ANKRD11: variants seen among roughly 807,000 people sequenced by gnomAD.
ANKRD11 encodes ankyrin repeat domain-containing protein 11.
A neutral mutation model predicts 195.7 loss-of-function variants in ANKRD11; 17 were observed. The ratio of observed to expected loss-of-function variants is 0.09; its 90% CI spans 0.06 to 0.13. ANKRD11 has a LOEUF of 0.13. Among genes scored for constraint, ANKRD11 ranks in the 10% least tolerant of loss-of-function variants. The pLI, the probability that ANKRD11 is intolerant of heterozygous loss-of-function variation, is 1.00. For missense variants in ANKRD11, 3,735 were observed against 3,566.1 expected (o/e 1.05, Z -1.21); for synonymous variants, 1,953 against 1,528.1 (o/e 1.28, Z -6.49).
At chr16:89,326,523 T>C (rs1244999629) in intron 2 of ANKRD11, among the ~76,000 whole-genome samples, 1 of 151,342 alleles carries the variant, frequency 6.6e-6, no homozygotes, top group Non-Finnish European at 1.5e-5. Flanking sequence ...GGCAGGGGGG[T>C]CATTTGGGCC....
intron 1 of ANKRD11, among the ~76,000 whole-genome samples, chr16:89,454,989 G>C: frequency 1.0e-5 from 1 of 98,854 alleles, no homozygotes; most frequent in East Asian, 3.6e-4. Flanking sequence ...TGCTTCTAGG[G>C]TTCCTCAAGC....
At chr16:89,428,677 C>CCT (rs2042835878) in intron 1 of ANKRD11, among the ~76,000 whole-genome samples, 1 of 151,774 alleles carries the variant, frequency 6.6e-6, no homozygotes, top group Admixed American at 6.6e-5. Flanking sequence ...GGATGGATCA[C>CCT]GAAGTCAGGA....
chr16:89,278,374 G>C (rs1344636042), intron 9 of ANKRD11: 3 of 378,838 alleles, frequency 7.9e-6, no homozygotes, highest in Non-Finnish European at 1.6e-5. Context: ...AGGGCAGGCA[G>C]CCCTCATGGG....
At chr16:89,399,748 C>A (rs891729782) in intron 2 of ANKRD11, among the ~76,000 whole-genome samples, 8 of 152,104 alleles carry the variant, frequency 5.3e-5, no homozygotes, top group African/African-American at 1.4e-4. Flanking sequence ...GCGGGGGAAC[C>A]CTCTGTAATT....
chr16:89,286,932 C>G (rs1248826007), intron 7 of ANKRD11: 1 of 1,289,700 alleles, frequency 7.8e-7, no homozygotes, highest in Non-Finnish European at 1.0e-6. Context: ...ACTATAGACT[C>G]TTGTCGCCCA....
intron 1 of ANKRD11, among the ~76,000 whole-genome samples, chr16:89,444,385 A>G (rs1320551600): frequency 6.6e-6 from 1 of 151,850 alleles, no homozygotes; most frequent in Non-Finnish European, 1.5e-5. Flanking sequence ...CTTGCTGGGA[A>G]GAGCAGGTGC....
intron 1 of ANKRD11, among the ~76,000 whole-genome samples, 164 bp downstream of exon 1, chr16:89,490,081 C>A (rs866677807): frequency 8.1e-5 from 12 of 148,516 alleles, no homozygotes; most frequent in African/African-American, 2.7e-4. Flanking sequence ...CTCACGATCG[C>A]CCCGGGCCCC....
chr16:89,287,130 G>A (rs2034702869), intron 7 of ANKRD11: 1 of 1,289,174 alleles, frequency 7.8e-7, no homozygotes, highest in South Asian at 1.2e-5. Context: ...GCAGAATTCA[G>A]TTTCTTGCAG....
At position 89,280,074 on chromosome 16, in the gene ANKRD11, C is replaced by A. The variant is rs1241964175; in HGVS notation, c.6468G>T (p.Val2156=). ...CTTCTGGAGGAGCAAGACTTTCTTC[C>A]ACGGGTTCCGCTTCACCATCTGCGG... ...KDAADGEAEP[V]EESLAPPEEM... is the part of the protein sequence containing the mutation. Residue 2156 remains valine (V), a synonymous_variant, in exon 9 of 13, where the codon GTG becomes GTT. Coordinates refer to ENST00000301030, the MANE Select transcript of ANKRD11 (RefSeq NM_013275.6). 6.2e-7 allele frequency: 1 copy of A among 1,613,112 alleles called. No homozygotes were observed.
intron 12 of ANKRD11, 149 bp from the exon 13 acceptor site, chr16:89,268,812 C>A (rs1674720254): frequency 1.1e-6 from 1 of 886,848 alleles, no homozygotes; most frequent in African/African-American, 1.7e-5. Flanking sequence ...CCGCTCCTGG[C>A]ATCTAGTTAC....
At chr16:89,274,034 G>A (rs929489608) in intron 11 of ANKRD11, among the ~76,000 whole-genome samples, 3 of 152,204 alleles carry the variant, frequency 2.0e-5, no homozygotes, top group African/African-American at 7.2e-5. Flanking sequence ...AGGAGGGAGG[G>A]GCTGATGCAG....
At chr16:89,365,304 C>T (rs1438228881) in intron 2 of ANKRD11, among the ~76,000 whole-genome samples, 2 of 152,302 alleles carry the variant, frequency 1.3e-5, no homozygotes, top group African/African-American at 4.8e-5. Context: ...TGTGTCATCA[C>T]CTCCTGACGT....
intron 1 of ANKRD11, among the ~76,000 whole-genome samples, chr16:89,432,726 C>A (rs1477116245): frequency 6.6e-6 from 1 of 152,112 alleles, no homozygotes; most frequent in East Asian, 1.9e-4. Flanking sequence ...ACGGTATAAT[C>A]TTGAGCCCAG....
intron 2 of ANKRD11, chr16:89,395,876 C>T (rs1481531428): frequency 6.6e-6 from 1 of 152,184 alleles, no homozygotes; most frequent in Non-Finnish European, 1.5e-5. Context: ...TTTCAACGCA[C>T]TACGTCCCGA....
chr16:89,380,225 G>C (rs1021569233), intron 2 of ANKRD11, among the ~76,000 whole-genome samples: 1 of 152,118 alleles, frequency 6.6e-6, no homozygotes, highest in African/African-American at 2.4e-5. Flanking sequence ...CAATTCTCCT[G>C]TCTCTGCCCC....
chr16:89,451,694 G>A (rs559620710), intron 1 of ANKRD11, among the ~76,000 whole-genome samples: 2 of 152,050 alleles, frequency 1.3e-5, no homozygotes, highest in Admixed American at 6.6e-5. Context: ...TGGGATTACA[G>A]GCTAGAGCCA....
intron 1 of ANKRD11, among the ~76,000 whole-genome samples, chr16:89,476,178 A>C (rs748065034): frequency 1.3e-5 from 2 of 152,164 alleles, no homozygotes; most frequent in Non-Finnish European, 2.9e-5. Flanking sequence ...CAAAACTACA[A>C]AGCCAATTTC....
At chr16:89,477,419 G>T (rs191107317) in intron 1 of ANKRD11, among the ~76,000 whole-genome samples, 1 of 151,046 alleles carries the variant, frequency 6.6e-6, no homozygotes, top group African/African-American at 2.4e-5. Context: ...GCAGTGGTGC[G>T]ATTCTGGCTC....
rs756744195 is a variant in ANKRD11, at chr16:89,282,126, C to T, written c.4416G>A (p.Glu1472=). 3.1e-6 allele frequency: 5 copies of T among 1,614,114 alleles called. No homozygotes were observed. The highest frequency in any genetic ancestry group is 2.5e-6 in the Non-Finnish European group (3 of 1,180,014). The change falls in exon 9 of 13, where the codon GAG becomes GAA. Residue 1472 remains glutamate, a synonymous_variant. Coordinates refer to ENST00000301030, the MANE Select transcript of ANKRD11 (RefSeq NM_013275.6). ...REKHREKWRD[E]KERHRDRHAD... is the part of the protein sequence containing the mutation. ...CATGCCTGTCCCGGTGCCTCTCCTTCTCGTCTCTCCATTTCTCCCTGTGTT... is the reference window on the plus strand; with the variant it reads ...CATGCCTGTCCCGGTGCCTCTCCTTTTCGTCTCTCCATTTCTCCCTGTGTT...
Sources: gnomAD v4.1 joint callset for allele counts (sites outside exome capture counted in the v4.1 genomes callset) on GRCh38, gnomAD v4.1.1 for gene constraint, MANE v1.5 for transcripts, NCBI Gene and HGNC (gene_info 2026-07-23, HGNC 2026-07-21) for gene names.